The following RARS2 variants were observed in gnomAD, a reference collection of about 807,000 sequenced individuals.
RARS2 encodes probable arginine--tRNA ligase, mitochondrial.
RARS2 carries 67 observed loss-of-function variants against 88.5 expected under a neutral mutation model. The ratio of observed to expected loss-of-function variants is 0.76; its 90% confidence interval spans 0.62 to 0.93. The LOEUF is 0.93. RARS2 is among the 40% of genes least tolerant of loss of function. The pLI, the probability that RARS2 is intolerant of heterozygous loss-of-function variation, is 0.00. For missense variants in RARS2, 664 were observed against 684.2 expected, an observed-to-expected ratio of 0.97 and a Z score of 0.33; for synonymous variants, 239 against 230.3, an observed-to-expected ratio of 1.04 and a Z score of -0.34.
intron 1 of RARS2, among the ~76,000 whole-genome samples, chr6:87,584,194 C>T (rs1427882552): frequency 2.0e-5 from 3 of 152,094 alleles, no homozygotes; most frequent in Admixed American, 1.3e-4. Context: ...CTTCACATTG[C>T]GGCATGGGAA....
chr6:87,579,924 G>C (rs1280286354), intron 1 of RARS2, among the ~76,000 whole-genome samples: 3 of 151,750 alleles, frequency 2.0e-5, no homozygotes, highest in Non-Finnish European at 4.4e-5. Flanking sequence ...TGTATTTTTA[G>C]TAGAGACGGG....
chr6:87,557,903 T>C (rs1020458508), intron 4 of RARS2, among the ~76,000 whole-genome samples: 4 of 152,282 alleles, frequency 2.6e-5, no homozygotes, highest in African/African-American at 9.6e-5. Flanking sequence ...TGGCCAGGCA[T>C]GGTGGCTCAC....
At chr6:87,561,096 A>T (rs543756446) in intron 4 of RARS2, among the ~76,000 whole-genome samples, 1 of 152,204 alleles carries the variant, frequency 6.6e-6, no homozygotes, top group Non-Finnish European at 1.5e-5. Flanking sequence ...AATGGACTGT[A>T]AAACAGTTAA....
chr6:87,563,322 CTTTATT>C (rs2128171412), intron 3 of RARS2, among the ~76,000 whole-genome samples: 1 of 152,294 alleles, frequency 6.6e-6, no homozygotes, highest in Non-Finnish European at 1.5e-5. Flanking sequence ...AGCAACTAGT[CTTTATT>C]TTTAAGAACT....
Position 87,545,621 on chromosome 6 carries a change from T to G in RARS2, c.530A>C (p.Gln177Pro), listed in dbSNP as rs1381697699. 6.2e-7 allele frequency: 1 copy of G among 1,613,762 alleles called. No individual in the cohort carries two copies. The highest frequency in any genetic ancestry group is 2.2e-5 in the East Asian group (1 of 44,812). The change falls in exon 7 of 20, where the codon CAG becomes CCG. Residue 177 changes from glutamine (Q) to proline (P), a missense_variant. Physicochemically the swap from Gln to Pro is moderately conservative, Grantham distance 76 (BLOSUM62 -1). Transcript: ENST00000369536. ...AAAATCTCAAGTGTACTTACCAAAC[T>G]GCATGCCCCAATCGCCAAGGTAATT... Reference protein sequence around the residue: ...RINYLGDWGMQFGLLGTGFQL... With the variant: ...RINYLGDWGMPFGLLGTGFQL...
chr6:87,534,285 T>C (rs925634218), intron 8 of RARS2, among the ~76,000 whole-genome samples: 23 of 152,330 alleles, frequency 1.5e-4, no homozygotes, highest in African/African-American at 5.3e-4. Flanking sequence ...AGTTATCAAA[T>C]TTCTCCTCCT....
chr6:87,550,709 G>GAAA (rs5878036), intron 5 of RARS2, among the ~76,000 whole-genome samples: 2 of 71,892 alleles, frequency 2.8e-5, no homozygotes, highest in Non-Finnish European at 6.8e-5. Context: ...GCCGATTTAA[G>GAAA]AAAAAAAAAA....
At chr6:87,523,525 G>GA (rs1395143404) in intron 11 of RARS2, among the ~76,000 whole-genome samples, 1 of 152,148 alleles carries the variant, frequency 6.6e-6, no homozygotes, top group African/African-American at 2.4e-5. Context: ...AGAAAAAAGA[G>GA]AAAGTACAGG....
Position 87,520,234 on chromosome 6 carries a change from T to C in RARS2, c.1058A>G (p.His353Arg), listed in dbSNP as rs1407596280. 4 of 1,612,672 alleles carry C rather than the reference T, an allele frequency of 2.5e-6. No individual in the cohort carries two copies. The highest frequency in any genetic ancestry group is 1.7e-6 in the Non-Finnish European group (2 of 1,178,946). The part of the protein sequence containing the change: ...IYVTDKGQKK[H>R]FQQVFQMLKI... ...CAGCATTTGGAATACTTGCTGAAAA[T>C]GCTTTTTTTGTCCTTTATCTGTCTT... Residue 353 changes from histidine (H) to arginine (R), a missense_variant, in exon 13 of 20, where the codon CAT (histidine) becomes CGT (arginine). Transcript: ENST00000369536.
At chr6:87,520,112 T>C in intron 13 of RARS2, 68 bp downstream of exon 13, 2 of 1,305,406 alleles carry the variant, frequency 1.5e-6, no homozygotes, top group East Asian at 2.3e-5. Flanking sequence ...TGAAAAACTT[T>C]AACCACTAGG....
Position 87,514,973 on chromosome 6 carries a change from G to C in RARS2, c.1634C>G (p.Pro545Arg). 1 of 1,612,738 alleles carries C rather than the reference G, an allele frequency of 6.2e-7. No individual in the cohort carries two copies. The highest frequency in any genetic ancestry group is 8.5e-7 in the Non-Finnish European group (1 of 1,178,794). The change falls in exon 19 of 20, where the codon CCT (proline) becomes CGT (arginine). Residue 545 changes from proline (P) to arginine (R), a missense_variant. Physicochemically the swap from Pro to Arg is moderately radical, Grantham distance 103. Coordinates refer to ENST00000369536, the MANE Select transcript of RARS2 (RefSeq NM_020320.5). ...ATAACGTACCCCAGCCACTTCAGGA[G>C]GACTATCTTTTATTTGTAGTGTTTT... ...AHKTLQIKDS[P>R]PEVAGARLHL...
chr6:87,530,779 A>C lies in RARS2; in HGVS notation c.771+5T>G. ...GGGAAAGCAGAAGGGAGGGTCAACC[A>C]ATACCTTGTAAACCCGAATGTACTC... On this transcript the variant is annotated splice_donor_5th_base_variant and intron_variant, in intron 9 of 19. Coordinates refer to ENST00000369536, the MANE Select transcript of RARS2 (RefSeq NM_020320.5). 6.2e-7 allele frequency: 1 copy of C among 1,614,172 alleles called. No homozygotes were observed. The highest frequency in any genetic ancestry group is 1.6e-4 in the Middle Eastern group (1 of 6,062).
chr6:87,573,093 A>C (rs941594648), intron 1 of RARS2, among the ~76,000 whole-genome samples: 1 of 152,206 alleles, frequency 6.6e-6, no homozygotes, highest in African/African-American at 2.4e-5. Flanking sequence ...TAAAGACATA[A>C]CTGAGACTGG....
At chr6:87,522,887 G>A (rs1774400043) in intron 11 of RARS2, among the ~76,000 whole-genome samples, 1 of 152,150 alleles carries the variant, frequency 6.6e-6, no homozygotes, top group Non-Finnish European at 1.5e-5. Flanking sequence ...TAAGATTACA[G>A]GCGTGAGCCA....
rs1202382674 is a variant in RARS2 at position 87,518,900 on chromosome 6, G to A, written c.1238-9C>T. The A allele has an allele frequency of 6.2e-7, 1 of 1,613,484 alleles. No individual in the cohort carries two copies. Among genetic ancestry groups the A allele is most frequent in the Non-Finnish European group, 8.5e-7 (1 of 1,179,674 alleles). On this transcript the variant is annotated splice_polypyrimidine_tract_variant and intron_variant, in intron 14 of 19. Transcript: ENST00000369536. ...CTTGAGTTCTTTAGTTGCTGAAACA[G>A]ACAAAGGCAGCTATCTTTAGTCTAC...
At chr6:87,553,457 T>C (rs1784935209) in intron 5 of RARS2, among the ~76,000 whole-genome samples, 1 of 152,178 alleles carries the variant, frequency 6.6e-6, no homozygotes, top group Admixed American at 6.5e-5. Context: ...AGTAAATATT[T>C]TAATAGGCTT....
chr6:87,527,351 T>C (rs1363046612), intron 10 of RARS2, among the ~76,000 whole-genome samples: 1 of 152,078 alleles, frequency 6.6e-6, no homozygotes, highest in Non-Finnish European at 1.5e-5. Flanking sequence ...TAAATGACAC[T>C]GAGAAAACTG....
At chr6:87,578,534 T>G (rs1772338322) in intron 1 of RARS2, among the ~76,000 whole-genome samples, 1 of 152,212 alleles carries the variant, frequency 6.6e-6, no homozygotes, top group Non-Finnish European at 1.5e-5. Context: ...GAATTCCTGT[T>G]GAATGTTAAG....
chr6:87,520,735 GA>G, intron 12 of RARS2, among the ~76,000 whole-genome samples: 1 of 152,272 alleles, frequency 6.6e-6, no homozygotes, highest in East Asian at 1.9e-4. Context: ...TATACTGAGT[GA>G]AAAAAGCCAA....
Sources: gnomAD v4.1 joint callset for allele counts (sites outside exome capture counted in the v4.1 genomes callset) on GRCh38, gnomAD v4.1.1 for gene constraint, MANE v1.5 for transcripts, NCBI Gene and HGNC (gene_info 2026-07-23, HGNC 2026-07-21) for gene names.